Variants in METTL25 observed in about 807,000 individuals in gnomAD.
METTL25 encodes probable methyltransferase-like protein 25.
METTL25 carries 64 observed loss-of-function variants against 71.6 expected under a neutral mutation model. The ratio of observed to expected loss-of-function variants is 0.89; its 90% CI spans 0.73 to 1.10. The LOEUF (loss-of-function observed/expected upper bound fraction) is 1.10. Ranked by LOEUF, METTL25 falls within the 50% of genes least tolerant of loss-of-function variation. METTL25 has a pLI of 0.00. For missense variants in METTL25, 807 were observed against 707.0 expected, an observed-to-expected ratio of 1.14 and a Z score of -1.60; for synonymous variants, 287 against 250.3, an observed-to-expected ratio of 1.15 and a Z score of -1.38.
At chr12:82,422,122 GAT>G (rs1344554561) in intron 5 of METTL25, among the ~76,000 whole-genome samples, 20 of 152,118 alleles carry the variant, frequency 1.3e-4, no homozygotes, top group Non-Finnish European at 2.8e-4. Context: ...CAATATCCGT[GAT>G]GAACATCAAT....
intron 9 of METTL25, among the ~76,000 whole-genome samples, chr12:82,470,603 GA>G (rs369904372): frequency 2.7e-5 from 4 of 149,732 alleles, no homozygotes; most frequent in Admixed American, 6.6e-5. Context: ...GAAAGAATAG[GA>G]AAAAAAAAGC....
intron 5 of METTL25, among the ~76,000 whole-genome samples, chr12:82,421,658 TAAA>T (rs1179944421): frequency 1.3e-5 from 2 of 151,496 alleles, no homozygotes; most frequent in African/African-American, 2.4e-5. Context: ...GCAAGACTAA[TAAA>T]GAAGAAAAGA....
chr12:82,416,680 G>C (rs1592685989), intron 5 of METTL25, among the ~76,000 whole-genome samples: 2 of 151,866 alleles, frequency 1.3e-5, no homozygotes, highest in East Asian at 3.9e-4. Context: ...TGTTGCTTAT[G>C]CTGGTCTTGA....
chr12:82,426,320 T>C (rs2137126593), intron 5 of METTL25, among the ~76,000 whole-genome samples: 1 of 152,156 alleles, frequency 6.6e-6, no homozygotes, highest in East Asian at 1.9e-4. Flanking sequence ...TTAACGCAGA[T>C]TCAGAAAACT....
At chr12:82,429,210 A>AC (rs936892100) in intron 5 of METTL25, among the ~76,000 whole-genome samples, 2 of 151,112 alleles carry the variant, frequency 1.3e-5, no homozygotes. Flanking sequence ...CAGCACATAT[A>AC]CCCCTCCCAG....
rs1325260140 is a variant in METTL25 at position 82,359,066 on chromosome 12, G to A, written c.259+242G>A. The A allele has an allele frequency of 1.0e-5, 6 of 589,798 alleles. No individual in the cohort carries two copies. In the Admixed American group the frequency reaches 1.8e-4, roughly 18 times the overall value. The allele number at this position is 589,798 out of a possible 1,614,324, so 36.5% of individuals were successfully genotyped here. A position where few individuals can be genotyped will look rare whatever the true frequency, so the allele number is the denominator to read the frequency against. On this transcript the variant is annotated intron_variant, in intron 1 of 11. Coordinates refer to ENST00000248306, the MANE Select transcript of METTL25 (RefSeq NM_032230.3). Reference sequence around the variant, plus strand: ...CACAATTTAAAGAAAGCAGGAAACAGGGCAGGGGAGTTCCTTCATCTAGTA... The same window carrying A: ...CACAATTTAAAGAAAGCAGGAAACAAGGCAGGGGAGTTCCTTCATCTAGTA...
intron 5 of METTL25, among the ~76,000 whole-genome samples, chr12:82,425,465 T>G (rs1888938155): frequency 6.6e-6 from 1 of 151,950 alleles, no homozygotes; most frequent in South Asian, 2.1e-4. Context: ...AGGCCACAAA[T>G]AAGAAAGAAT....
intron 7 of METTL25, among the ~76,000 whole-genome samples, chr12:82,435,823 A>G (rs1889877026): frequency 6.6e-6 from 1 of 151,484 alleles, no homozygotes; most frequent in African/African-American, 2.4e-5. Context: ...TAGATAATTA[A>G]TAATTATGAT....
chr12:82,372,939 C>G lies in METTL25; in HGVS notation c.260-13864C>G, dbSNP rs149601667. Among the ~76,000 whole-genome samples the G allele has an allele frequency of 9.9e-5, 15 of 152,252 alleles. No individual in the cohort carries two copies. The East Asian group carries it at 2.9e-3, about 29-fold the overall frequency. On this transcript the variant is annotated intron_variant, in intron 1 of 11. Coordinates refer to ENST00000248306, the MANE Select transcript of METTL25 (RefSeq NM_032230.3). ...TGATCAGAATAGTTGCACTCACCGA[C>G]GCAGCAGCAGAAACACTAGTTTTCC... is the stretch of plus-strand genomic sequence containing the variant.
At chr12:82,434,214 G>A (rs898139764) in intron 6 of METTL25, among the ~76,000 whole-genome samples, 1 of 151,244 alleles carries the variant, frequency 6.6e-6, no homozygotes, top group Non-Finnish European at 1.5e-5. Flanking sequence ...TCCAAAATAA[G>A]TTTTTAATTA....
At chr12:82,389,726 T>G in intron 2 of METTL25, 90 bp from the exon 3 acceptor site, 1 of 731,976 alleles carries the variant, frequency 1.4e-6, no homozygotes. Context: ...ATTATTTTCC[T>G]ACTTAATTTC....
chr12:82,370,362 G>T (rs897652032), intron 1 of METTL25, among the ~76,000 whole-genome samples: 3 of 152,176 alleles, frequency 2.0e-5, no homozygotes, highest in Non-Finnish European at 2.9e-5. Context: ...GGCTGCCACG[G>T]GACCTAGAAA....
chr12:82,400,338 CAAAA>C (rs67688329), intron 4 of METTL25, among the ~76,000 whole-genome samples: 1 of 135,592 alleles, frequency 7.4e-6, no homozygotes, highest in South Asian at 2.3e-4. Flanking sequence ...TCCCCCCCAA[CAAAA>C]AAAAAAAGAA....
At chr12:82,449,807 G>T (rs544021300) in intron 8 of METTL25, among the ~76,000 whole-genome samples, 59 of 100,266 alleles carry the variant, frequency 5.9e-4, no homozygotes, top group Admixed American at 1.4e-3. Flanking sequence ...AAAATCCTCT[G>T]CACCCAATTT....
At chr12:82,443,827 CACT>C (rs1890542289) in intron 8 of METTL25, among the ~76,000 whole-genome samples, 10 of 127,810 alleles carry the variant, frequency 7.8e-5, no homozygotes, top group Admixed American at 3.2e-4. Flanking sequence ...AGAACTCACT[CACT>C]GTCCCCCAAC....
At chr12:82,415,776 C>G (rs1259997142) in intron 5 of METTL25, among the ~76,000 whole-genome samples, 1 of 152,106 alleles carries the variant, frequency 6.6e-6, no homozygotes, top group South Asian at 2.1e-4. Context: ...TTTATTCAGA[C>G]CTCATTCAAT....
intron 7 of METTL25, among the ~76,000 whole-genome samples, chr12:82,437,032 CAG>C (rs1311510728): frequency 6.6e-6 from 1 of 151,380 alleles, no homozygotes; most frequent in Non-Finnish European, 1.5e-5. Flanking sequence ...AAGTGGGGGA[CAG>C]ATGATAAAGT....
intron 9 of METTL25, chr12:82,468,849 G>A (rs1268249091): frequency 6.6e-6 from 1 of 152,144 alleles, no homozygotes; most frequent in Non-Finnish European, 1.5e-5. Flanking sequence ...AGGAACACGA[G>A]TATTCCCATG....
rs1185639965 is a variant in METTL25 at position 82,434,696 on chromosome 12, C to T, written c.1376C>T (p.Ala459Val). The T allele has an allele frequency of 1.2e-6, 2 of 1,608,926 alleles. No individual in the cohort carries two copies. Among genetic ancestry groups the T allele is most frequent in the Admixed American group, 1.7e-5 (1 of 59,632 alleles). ...GRNARMSACLALERVAAGQGL... is the reference protein window; with the variant it reads ...GRNARMSACLVLERVAAGQGL... ...CTGTCTTGTTTTTTTCCCTTTAAGG[C>T]ATTGGAGCGGGTTGCAGCTGGCCAA... The change falls in exon 7 of 12, where the codon GCA (alanine) becomes GTA (valine). Residue 459 changes from alanine (A) to valine (V), a missense_variant and splice_region_variant. Coordinates refer to ENST00000248306, the MANE Select transcript of METTL25 (RefSeq NM_032230.3).
Sources: gnomAD v4.1 joint callset for allele counts (sites outside exome capture counted in the v4.1 genomes callset) on GRCh38, gnomAD v4.1.1 for gene constraint, MANE v1.5 for transcripts, NCBI Gene and HGNC (gene_info 2026-07-23, HGNC 2026-07-21) for gene names.